The following ZNF568 variants were observed in gnomAD, a reference collection of about 807,000 sequenced individuals.
The protein encoded by ZNF568 is zinc finger protein 568.
ZNF568 carries 11 observed loss-of-function variants against 18.1 expected under a neutral mutation model. The ratio of observed to expected loss-of-function variants is 0.61; its 90% CI spans 0.38 to 1.00. The LOEUF is 1.00. ZNF568 is among the 50% of genes least tolerant of loss of function. The pLI, the probability that ZNF568 is intolerant of heterozygous loss-of-function variation, is 0.01. For synonymous variants in ZNF568, 213 were observed against 246.6 expected (o/e 0.86, Z 1.28); for missense variants, 639 against 768.2 (o/e 0.83, Z 1.99).
Position 36,951,139 on chromosome 19 carries a change from G to A in ZNF568, c.*51G>A. The A allele has an allele frequency of 6.9e-7, 1 of 1,459,526 alleles. No homozygotes were observed. The highest frequency in any genetic ancestry group is 1.6e-5 in the South Asian group (1 of 61,480). The allele number at this position is 1,459,526 out of a possible 1,614,324, so 90.4% of individuals were successfully genotyped here. A position where few individuals can be genotyped will look rare whatever the true frequency, so the allele number is the denominator to read the frequency against. ...CCCATGTTTTACTTAAAATATCTTG[G>A]CATAAGCTCAAAAAAGCCAGGATCT... On this transcript the variant is annotated 3_prime_UTR_variant, in exon 7 of 7. Coordinates refer to ENST00000333987, the MANE Select transcript of ZNF568 (RefSeq NM_198539.4).
chr19:36,976,779 G>T (rs367576779), intron 7 of ZNF568, among the ~76,000 whole-genome samples: 2 of 152,054 alleles, frequency 1.3e-5, no homozygotes, highest in African/African-American at 4.8e-5. Context: ...ATGTGGTGGC[G>T]CATGCCTGTA....
At chr19:36,938,449 C>T (rs1326947738) in intron 6 of ZNF568, among the ~76,000 whole-genome samples, 1 of 151,964 alleles carries the variant, frequency 6.6e-6, no homozygotes, top group Admixed American at 6.6e-5. Flanking sequence ...GTAGAAGATA[C>T]TAAGGAAAGA....
At chr19:36,954,844 T>C (rs2074095531), downstream of ZNF568, among the ~76,000 whole-genome samples, 1 of 152,070 alleles carries the variant, frequency 6.6e-6, no homozygotes, top group African/African-American at 2.4e-5. Context: ...CCCAAAGTGC[T>C]GGGATTACAG....
At position 36,936,941 on chromosome 19, in the gene ZNF568, G is replaced by C. The variant is rs11084870; in HGVS notation, c.262+69G>C. The C allele has an allele frequency of 2.6e-3, 4,128 of 1,570,540 alleles. 96 individuals are homozygous for C. In the African/African-American group the frequency reaches 0.048, roughly 18 times the overall value. On this transcript the variant is annotated intron_variant, in intron 5 of 6. Coordinates refer to ENST00000333987, the MANE Select transcript of ZNF568 (RefSeq NM_198539.4). Reference sequence around the variant, plus strand: ...TCCATTTCTGAAATGTGTGAAGACTGTAACTTGCCAGATGAATCTAGCCTT... The same window carrying C: ...TCCATTTCTGAAATGTGTGAAGACTCTAACTTGCCAGATGAATCTAGCCTT...
intron 2 of ZNF568, among the ~76,000 whole-genome samples, chr19:36,988,801 AGGGTAGTTAG>A (rs1455304543): frequency 6.6e-6 from 1 of 152,212 alleles, no homozygotes; most frequent in African/African-American, 2.4e-5. Context: ...TGAGCCAGTC[AGGGTAGTTAG>A]TGTATCTATC....
chr19:36,963,361 G>A (rs1253758881), intron 6 of ZNF568, among the ~76,000 whole-genome samples: 1 of 152,162 alleles, frequency 6.6e-6, no homozygotes, highest in Middle Eastern at 3.2e-3. Context: ...GCAATTTTAT[G>A]TACGAACACT....
At chr19:36,929,412 G>A (rs562250658) in intron 4 of ZNF568, among the ~76,000 whole-genome samples, 2 of 152,142 alleles carry the variant, frequency 1.3e-5, no homozygotes, top group African/African-American at 2.4e-5. Context: ...GTGGCCAGGC[G>A]TGGTGGCTCA....
intron 6 of ZNF568, among the ~76,000 whole-genome samples, chr19:36,939,464 G>C (rs1441644224): frequency 6.8e-6 from 1 of 147,608 alleles, no homozygotes; most frequent in Non-Finnish European, 1.5e-5. Context: ...TCTATTTTCT[G>C]TTCTTTCCTC....
At chr19:36,948,469 G>A (rs1028086528) in intron 6 of ZNF568, among the ~76,000 whole-genome samples, 3 of 152,040 alleles carry the variant, frequency 2.0e-5, no homozygotes, top group Admixed American at 2.0e-4. Flanking sequence ...AACTCATTGG[G>A]GTAAATACCA....
chr19:36,946,941 C>T (rs1016477228), intron 6 of ZNF568, among the ~76,000 whole-genome samples: 1 of 151,960 alleles, frequency 6.6e-6, no homozygotes, highest in Non-Finnish European at 1.5e-5. Context: ...CCACTGCACC[C>T]TGCCTGTGTT....
intron 4 of ZNF568, among the ~76,000 whole-genome samples, chr19:36,993,305 G>A (rs1478620545): frequency 1.3e-5 from 2 of 152,174 alleles, no homozygotes; most frequent in Non-Finnish European, 2.9e-5. Flanking sequence ...TTACCTGGAT[G>A]TGGTATATAA....
At chr19:36,946,736 T>TC (rs1268155109) in intron 6 of ZNF568, among the ~76,000 whole-genome samples, 1 of 133,494 alleles carries the variant, frequency 7.5e-6, no homozygotes, top group African/African-American at 2.8e-5. Context: ...CACCACAACC[T>TC]CCGCCTCCCA....
downstream of ZNF568, among the ~76,000 whole-genome samples, chr19:36,954,437 A>G (rs986257435): frequency 6.6e-6 from 1 of 152,200 alleles, no homozygotes; most frequent in African/African-American, 2.4e-5. Context: ...AACAGCAGGG[A>G]CTGACTTCAG....
intron 6 of ZNF568, chr19:36,973,349 TAA>T (rs1339483230): frequency 6.5e-6 from 1 of 153,218 alleles, no homozygotes; most frequent in Non-Finnish European, 1.5e-5. Context: ...GTCTGGAGTT[TAA>T]AAGACAGGTG....
rs2073337543 is a variant in ZNF568, at chr19:36,916,586, C to G, written c.-261C>G. On this transcript the variant is annotated 5_prime_UTR_variant, in exon 1 of 7. Transcript: ENST00000333987. This position sits in a 1 kb window ranked among gnomAD's most constrained non-coding sequence, Gnocchi z 5.3. ...GGCAGTGGGGAGTGCTCAGGGTACG[C>G]TAATGGTGAGTGGTTGCAGTTGATG... The G allele has an allele frequency of 6.6e-6, 1 of 152,594 alleles. No homozygotes were observed. The highest frequency in any genetic ancestry group is 1.5e-5 in the Non-Finnish European group (1 of 68,276). 9.5% of individuals were successfully genotyped at this position (152,594 alleles called of 1,614,324 possible). A position where few individuals can be genotyped will look rare whatever the true frequency, so the allele number is the denominator to read the frequency against.
At chr19:36,991,651 T>A (rs2074425202) in intron 3 of ZNF568, 5 of 933,746 alleles carry the variant, frequency 5.4e-6, no homozygotes, top group African/African-American at 1.7e-5. Flanking sequence ...CACTCCTTCT[T>A]CTGACCCTTA....
In ZNF568 at chr19:36,952,620, GA is replaced by G. The variant is rs1452566499; in HGVS notation, c.*1533del. On this transcript the variant is annotated 3_prime_UTR_variant, in exon 7 of 7. Transcript: ENST00000333987. ...AATTATTGATAGCATTGTCTCTGGA[GA>G]TTGAATTTGAGGCTGTTGATTAAAA... is the stretch of plus-strand genomic sequence containing the variant. 5.3e-6 allele frequency: 1 copy of G among 187,428 alleles called. No individual in the cohort carries two copies. Among genetic ancestry groups the G allele is most frequent in the African/African-American group, 2.4e-5 (1 of 41,992 alleles). 11.6% of individuals were successfully genotyped at this position (187,428 alleles called of 1,614,324 possible).
At chr19:36,969,322 G>A (rs1459933344) in intron 6 of ZNF568, among the ~76,000 whole-genome samples, 2 of 152,132 alleles carry the variant, frequency 1.3e-5, no homozygotes, top group African/African-American at 4.8e-5. Flanking sequence ...TCTCTGATTC[G>A]TTACCATAAG....
chr19:36,979,342 A>G (rs114077115), exon 8 of ZNF568: 7,162 of 153,258 alleles, frequency 0.047, 234 homozygotes, highest in East Asian at 0.078. Context: ...CATGTGTAAT[A>G]TATTAAGGGG....
Sources: gnomAD v4.1 joint callset for allele counts (sites outside exome capture counted in the v4.1 genomes callset) on GRCh38, gnomAD v4.1.1 for gene constraint, Gnocchi (gnomAD v3.1) non-coding constraint, MANE v1.5 for transcripts, NCBI Gene and HGNC (gene_info 2026-07-23, HGNC 2026-07-21) for gene names.